The following OPRM1 variants were observed in gnomAD, a reference collection of about 807,000 sequenced individuals.
OPRM1 encodes mu-type opioid receptor.
OPRM1 carries 27 observed loss-of-function variants against 31.8 expected under a neutral mutation model. The ratio of observed to expected loss-of-function variants is 0.85; its 90% CI spans 0.63 to 1.17. The LOEUF (loss-of-function observed/expected upper bound fraction) is 1.17. Ranked by LOEUF, OPRM1 falls within the 50% of genes most tolerant of loss-of-function variation. The probability of loss-of-function intolerance (pLI) is 0.00; values close to 1 mark genes in which losing one functional copy is unlikely to be tolerated. For synonymous variants in OPRM1, 196 were observed against 189.9 expected (o/e 1.03, Z -0.26); for missense variants, 536 against 511.1 (o/e 1.05, Z -0.47).
chr6:154,091,943 GA>G, intron 3 of OPRM1: 1 of 986,274 alleles, frequency 1.0e-6, no homozygotes, highest in Non-Finnish European at 1.2e-6. Flanking sequence ...GATATTCACA[GA>G]AAATTAGCAT....
In OPRM1 at chr6:154,121,149, A is replaced by G. The variant is rs1797276348; in HGVS notation, c.*2428A>G. Among the ~76,000 whole-genome samples the G allele has an allele frequency of 6.6e-6, 1 of 152,122 alleles. No homozygotes were observed. The highest frequency in any genetic ancestry group is 2.4e-5 in the African/African-American group (1 of 41,438). On this transcript the variant is annotated 3_prime_UTR_variant, in exon 4 of 4. Coordinates refer to ENST00000330432, the MANE Select transcript of OPRM1 (RefSeq NM_000914.5). ...CTGCTTTTTTCTTCCTTCTAATTTC[A>G]CCCTTGCCTAAGGATGAGATTTCTT...
At chr6:154,241,017 C>A (rs1448429983) in intron 3 of OPRM1, among the ~76,000 whole-genome samples, 1 of 152,048 alleles carries the variant, frequency 6.6e-6, no homozygotes, top group Admixed American at 6.6e-5. Context: ...GCGGGCAAAT[C>A]ATGAGGTCAA....
At chr6:154,176,007 A>C (rs1175290347) in intron 3 of OPRM1, among the ~76,000 whole-genome samples, 2 of 152,190 alleles carry the variant, frequency 1.3e-5, no homozygotes, top group Non-Finnish European at 2.9e-5. Context: ...GGGATGCAAG[A>C]CTGCTTCAAC....
rs1779617432 is a variant in OPRM1 at position 154,039,633 on chromosome 6, C to T, written c.89C>T (p.Ser30Phe). 1.9e-6 allele frequency: 3 copies of T among 1,613,750 alleles called. No individual in the cohort carries two copies. The highest frequency in any genetic ancestry group is 2.5e-6 in the Non-Finnish European group (3 of 1,179,646). ...TGCTCCCCAGCACCCAGCCCCGGTT[C>T]CTGGGTCAACTTGTCCCACTTAGAT... is the stretch of plus-strand genomic sequence containing the variant. ...SSCSPAPSPGSWVNLSHLDGN... is the reference protein window; with the variant it reads ...SSCSPAPSPGFWVNLSHLDGN... The change falls in exon 1 of 4, where the codon TCC becomes TTC. Residue 30 changes from serine to phenylalanine, a missense_variant. Ser to Phe is a radical substitution (Grantham distance 155). Transcript: ENST00000330432.
chr6:154,159,945 C>CA, intron 3 of OPRM1: 1 of 1,613,666 alleles, frequency 6.2e-7, no homozygotes, highest in Non-Finnish European at 8.5e-7. Flanking sequence ...CCTGGATCAG[C>CA]AGGGTGTTCA....
At chr6:154,200,664 C>T (rs796899) in intron 3 of OPRM1, among the ~76,000 whole-genome samples, 3 of 151,948 alleles carry the variant, frequency 2.0e-5, no homozygotes, top group Non-Finnish European at 2.9e-5. Context: ...GAGATTGCAG[C>T]GAGCTAAGAT....
intron 3 of OPRM1, among the ~76,000 whole-genome samples, chr6:154,098,094 A>G (rs1793721372): frequency 6.7e-6 from 1 of 148,588 alleles, no homozygotes; most frequent in South Asian, 2.1e-4. Context: ...AAAAATTAGA[A>G]AAAAAATTTT....
intron 1 of OPRM1, among the ~76,000 whole-genome samples, chr6:154,055,336 C>T (rs1298731783): frequency 1.3e-5 from 2 of 151,392 alleles, no homozygotes; most frequent in Admixed American, 6.6e-5. Context: ...TGCAGTGTGC[C>T]AAGATGGTGC....
intron 3 of OPRM1, among the ~76,000 whole-genome samples, chr6:154,109,833 T>TGTGTGTGTGTG: frequency 1.4e-5 from 2 of 146,236 alleles, no homozygotes; most frequent in African/African-American, 5.0e-5. Flanking sequence ...TGTGTGTGTG[T>TGTGTGTGTGTG]TGCATACATA....
intron 3 of OPRM1, among the ~76,000 whole-genome samples, chr6:154,165,392 T>C (rs950958539): frequency 3.9e-5 from 6 of 152,230 alleles, no homozygotes; most frequent in Non-Finnish European, 7.3e-5. Flanking sequence ...AACATGAACA[T>C]GCACACATGT....
chr6:154,039,733 C>T lies in OPRM1; in HGVS notation c.189C>T (p.Gly63=), dbSNP rs1779649079. ...GAGACAGCCTGTGCCCTCCGACCGG[C>T]AGTCCCTCCATGATCACGGCCATCA... ...GGRDSLCPPT[G]SPSMITAITI... The change falls in exon 1 of 4, where the codon GGC becomes GGT. Residue 63 remains glycine, a synonymous_variant. Coordinates refer to ENST00000330432, the MANE Select transcript of OPRM1 (RefSeq NM_000914.5). The T allele has an allele frequency of 5.6e-6, 9 of 1,610,112 alleles. No individual in the cohort carries two copies. The highest frequency in any genetic ancestry group is 6.8e-6 in the Non-Finnish European group (8 of 1,180,030).
intron 3 of OPRM1, among the ~76,000 whole-genome samples, chr6:154,182,906 G>A (rs1231872961): frequency 6.6e-6 from 1 of 152,144 alleles, no homozygotes; most frequent in Non-Finnish European, 1.5e-5. Flanking sequence ...GGAGGCAAGA[G>A]AAAGGAAGAA....
At chr6:154,246,251 G>A (rs1318666092) in intron 3 of OPRM1, among the ~76,000 whole-genome samples, 5 of 152,172 alleles carry the variant, frequency 3.3e-5, no homozygotes, top group African/African-American at 1.2e-4. Flanking sequence ...AAGGTGCCAT[G>A]TTAAGTGATG....
At chr6:154,229,273 G>A (rs907241760) in intron 3 of OPRM1, among the ~76,000 whole-genome samples, 4 of 151,350 alleles carry the variant, frequency 2.6e-5, no homozygotes, top group Non-Finnish European at 5.9e-5. Context: ...ATGAATGAAT[G>A]AACTATAATC....
intron 3 of OPRM1, among the ~76,000 whole-genome samples, chr6:154,144,501 C>A (rs943147834): frequency 6.6e-5 from 10 of 152,030 alleles, no homozygotes; most frequent in Admixed American, 5.2e-4. Context: ...AATCCCAGCA[C>A]TTTGGGAGTC....
chr6:154,087,622 T>C lies in OPRM1; in HGVS notation c.291-2204T>C. The C allele has an allele frequency of 3.1e-6, 3 of 983,116 alleles. No homozygotes were observed. The South Asian group carries it at 1.4e-4, about 46-fold the overall frequency. 60.9% of individuals were successfully genotyped at this position (983,116 alleles called of 1,614,324 possible). A position where few individuals can be genotyped will look rare whatever the true frequency, so the allele number is the denominator to read the frequency against. The stretch of plus-strand genomic sequence containing the variant: ...CTAATACACTCTTTGTCCATAAGTC[T>C]CAAAATAAACTCTCACTGGCTCTGG... On this transcript the variant is annotated intron_variant, in intron 1 of 3. Coordinates refer to ENST00000330432, the MANE Select transcript of OPRM1 (RefSeq NM_000914.5).
intron 1 of OPRM1, among the ~76,000 whole-genome samples, chr6:154,079,463 G>C (rs767610177): frequency 2.6e-5 from 4 of 152,192 alleles, no homozygotes; most frequent in Non-Finnish European, 5.9e-5. Flanking sequence ...GCTCAGTCCA[G>C]GAACAGCTCT....
chr6:154,079,304 A>G (rs1788579152), intron 1 of OPRM1, among the ~76,000 whole-genome samples: 2 of 152,202 alleles, frequency 1.3e-5, no homozygotes, highest in African/African-American at 2.4e-5. Context: ...TGATCTTGCA[A>G]TATGCAAAGG....
At chr6:154,148,072 G>A (rs1798403398) in intron 3 of OPRM1, among the ~76,000 whole-genome samples, 1 of 152,142 alleles carries the variant, frequency 6.6e-6, no homozygotes, top group South Asian at 2.1e-4. Context: ...GCTCTTTCAG[G>A]CCAACAGCTT....
Sources: allele counts gnomAD v4.1 joint callset (sites outside exome capture counted in the v4.1 genomes callset), GRCh38; gene constraint gnomAD v4.1.1; transcripts MANE v1.5; gene names NCBI Gene and HGNC (gene_info 2026-07-23, HGNC 2026-07-21).